Variants in SRGAP1 observed in about 807,000 individuals in gnomAD.
SRGAP1 encodes the protein SLIT-ROBO Rho GTPase activating protein 1, also known as SLIT-ROBO Rho GTPase-activating protein 1.
A neutral mutation model predicts 121.9 loss-of-function variants in SRGAP1; 43 were observed. That is an observed-to-expected ratio of 0.35 (90% confidence interval 0.28 to 0.46). The LOEUF is 0.46. Among genes scored for constraint, SRGAP1 ranks in the 20% least tolerant of loss-of-function variants. The pLI is 1.00. For synonymous variants in SRGAP1, 447 were observed against 485.4 expected, an observed-to-expected ratio of 0.92 and a Z score of 1.04; for missense variants, 1,102 against 1,350.9, an observed-to-expected ratio of 0.82 and a Z score of 2.89.
intron 1 of SRGAP1, among the ~76,000 whole-genome samples, chr12:63,972,844 T>C (rs1195222680): frequency 6.6e-6 from 1 of 152,096 alleles, no homozygotes; most frequent in African/African-American, 2.4e-5. Flanking sequence ...GAGAGTTCTT[T>C]TGGCTTTAAG....
chr12:64,005,989 A>G (rs1476587508), intron 3 of SRGAP1, among the ~76,000 whole-genome samples: 1 of 152,188 alleles, frequency 6.6e-6, no homozygotes, highest in African/African-American at 2.4e-5. Flanking sequence ...CCCCCATAGG[A>G]ACTTAGACTC....
At position 64,161,521 on chromosome 12, in the gene SRGAP1, A is replaced by G. The variant is rs201704482; in HGVS notation, c.*18849A>G. On this transcript the variant is annotated 3_prime_UTR_variant, in exon 22 of 22. Transcript: ENST00000355086. ...TTGTGAGCTGGCTGTTCATTTTTTTATAGAATCCTGTCCTTATTTGACAGG... is the reference window on the plus strand; with the variant it reads ...TTGTGAGCTGGCTGTTCATTTTTTTGTAGAATCCTGTCCTTATTTGACAGG... 6.6e-6 allele frequency: 1 copy of G among 152,054 alleles called. No individual in the cohort carries two copies. Among genetic ancestry groups the G allele is most frequent in the Non-Finnish European group, 1.5e-5 (1 of 68,014 alleles). The allele number at this position is 152,054 out of a possible 1,614,324, so 9.4% of individuals were successfully genotyped here. A position where few individuals can be genotyped will look rare whatever the true frequency, so the allele number is the denominator to read the frequency against.
At chr12:63,933,945 A>G (rs1396234782) in intron 1 of SRGAP1, among the ~76,000 whole-genome samples, 1 of 152,234 alleles carries the variant, frequency 6.6e-6, no homozygotes, top group African/African-American at 2.4e-5. Context: ...GCCACTTACT[A>G]TAAATATAAG....
At chr12:63,928,222 A>G (rs1447698014) in intron 1 of SRGAP1, among the ~76,000 whole-genome samples, 1 of 152,160 alleles carries the variant, frequency 6.6e-6, no homozygotes, top group Non-Finnish European at 1.5e-5. Context: ...TGCTTTGCTG[A>G]TGGGAGTATA....
chr12:64,084,863 AT>A (rs1565673979), intron 10 of SRGAP1, among the ~76,000 whole-genome samples: 1 of 152,000 alleles, frequency 6.6e-6, no homozygotes, highest in Non-Finnish European at 1.5e-5. Flanking sequence ...ATGTTATTAA[AT>A]TTACATTTAT....
At chr12:63,935,231 A>G (rs907628999) in intron 1 of SRGAP1, among the ~76,000 whole-genome samples, 20 of 152,232 alleles carry the variant, frequency 1.3e-4, no homozygotes, top group African/African-American at 4.6e-4. Context: ...GCAATGGAAT[A>G]TTTATCATGG....
rs71434040 is a variant in SRGAP1, at chr12:63,949,332, GTT to G, written c.68-34602_68-34601del. ...TATGATAGCTGCTTAGTCACAACTT[GTT>G]TTTTTTTTTTTTGCTGTTGGTCTTT... On this transcript the variant is annotated intron_variant, in intron 1 of 21. Transcript: ENST00000355086. 1.4e-4 allele frequency among the ~76,000 whole-genome samples: 17 copies of G among 124,388 alleles called. 1 individual carries two copies. Among genetic ancestry groups the G allele is most frequent in the East Asian group, 4.3e-4 (2 of 4,652 alleles). The allele number at this position is 124,388 out of a possible 152,430, so 81.6% of individuals were successfully genotyped here.
At chr12:64,009,770 C>T (rs939044687) in intron 3 of SRGAP1, among the ~76,000 whole-genome samples, 2 of 152,032 alleles carry the variant, frequency 1.3e-5, no homozygotes, top group Non-Finnish European at 2.9e-5. Context: ...TGGTTTTTAC[C>T]CCTTTAGGGT....
intron 6 of SRGAP1, among the ~76,000 whole-genome samples, chr12:64,058,201 A>C (rs955549914): frequency 5.3e-5 from 8 of 152,178 alleles, no homozygotes; most frequent in Non-Finnish European, 1.0e-4. Flanking sequence ...TCAGCTTTAC[A>C]ATTGATTTAT....
At chr12:63,995,499 TG>T (rs2033672215) in intron 3 of SRGAP1, among the ~76,000 whole-genome samples, 1 of 152,220 alleles carries the variant, frequency 6.6e-6, no homozygotes, top group Non-Finnish European at 1.5e-5. Flanking sequence ...TGGTATTTTT[TG>T]GTGGTAGAGA....
intron 1 of SRGAP1, among the ~76,000 whole-genome samples, chr12:63,857,331 G>A (rs1358023770): frequency 6.6e-6 from 1 of 151,418 alleles, no homozygotes; most frequent in Non-Finnish European, 1.5e-5. Flanking sequence ...CACCCACCTT[G>A]GCCTCCCAAA....
chr12:64,119,653 T>C (rs376545684), intron 18 of SRGAP1, among the ~76,000 whole-genome samples: 2 of 152,216 alleles, frequency 1.3e-5, no homozygotes, highest in African/African-American at 4.8e-5. Context: ...TAAAGCTGTC[T>C]GTTTTCTCTA....
At chr12:64,007,692 G>A (rs762911468) in intron 3 of SRGAP1, among the ~76,000 whole-genome samples, 1 of 152,180 alleles carries the variant, frequency 6.6e-6, no homozygotes, top group Non-Finnish European at 1.5e-5. Flanking sequence ...AAGGCTACAG[G>A]AGTTAAGACC....
At chr12:64,099,534 G>A (rs950034987) in intron 15 of SRGAP1, among the ~76,000 whole-genome samples, 5 of 152,126 alleles carry the variant, frequency 3.3e-5, no homozygotes, top group South Asian at 2.1e-4. Context: ...TGAATTTCCC[G>A]GTCATAATCC....
At chr12:63,994,182 A>G (rs1017499623) in intron 3 of SRGAP1, among the ~76,000 whole-genome samples, 3 of 152,194 alleles carry the variant, frequency 2.0e-5, no homozygotes, top group African/African-American at 7.2e-5. Flanking sequence ...TCTGGACTTA[A>G]TAAGTCCTGG....
At chr12:63,848,053 C>T (rs1459664934) in intron 1 of SRGAP1, among the ~76,000 whole-genome samples, 1 of 151,084 alleles carries the variant, frequency 6.6e-6, no homozygotes, top group Non-Finnish European at 1.5e-5. Flanking sequence ...CTGCCCAGGC[C>T]AGAGTGCAGT....
chr12:64,051,583 C>G (rs1322212068), intron 6 of SRGAP1, among the ~76,000 whole-genome samples: 2 of 152,138 alleles, frequency 1.3e-5, no homozygotes, highest in East Asian at 1.9e-4. Context: ...ATGGAATCTC[C>G]TTTTGTTAAC....
At chr12:63,889,281 C>G (rs1197058820) in intron 1 of SRGAP1, among the ~76,000 whole-genome samples, 2 of 152,158 alleles carry the variant, frequency 1.3e-5, no homozygotes, top group Non-Finnish European at 1.5e-5. Flanking sequence ...TTTGCTGTCC[C>G]TGAAGGTTCA....
chr12:63,990,658 G>A (rs915519624), intron 3 of SRGAP1, among the ~76,000 whole-genome samples: 1 of 152,176 alleles, frequency 6.6e-6, no homozygotes, highest in African/African-American at 2.4e-5. Flanking sequence ...CACAATGTGA[G>A]CAAAAATTTT....
Sources: allele counts gnomAD v4.1 joint callset (sites outside exome capture counted in the v4.1 genomes callset), GRCh38; gene constraint gnomAD v4.1.1; transcripts MANE v1.5; gene names NCBI Gene and HGNC (gene_info 2026-07-23, HGNC 2026-07-21).